Variants in RGS6 observed in about 807,000 individuals in gnomAD.
The protein encoded by RGS6 is regulator of G protein signaling 6, also known as regulator of G-protein signaling 6.
In RGS6, 30 loss-of-function variants were observed where a neutral mutation model predicts 78.5. That is an observed-to-expected ratio of 0.38 (90% CI 0.29 to 0.52). RGS6 has a LOEUF of 0.52. RGS6 is among the 20% of genes least tolerant of loss of function. The probability of loss-of-function intolerance (pLI) is 0.85; values close to 1 mark genes in which losing one functional copy is unlikely to be tolerated. For synonymous variants in RGS6, 206 were observed against 206.0 expected (o/e 1.00, Z 0.00); for missense variants, 495 against 609.7 (o/e 0.81, Z 1.98).
chr14:72,269,462 T>C (rs778793332), intron 2 of RGS6, among the ~76,000 whole-genome samples: 3 of 152,168 alleles, frequency 2.0e-5, no homozygotes, highest in Non-Finnish European at 4.4e-5. Flanking sequence ...TTGCCCATGC[T>C]ACTCCCTCTG....
chr14:71,957,357 A>G (rs1011223535), intron 1 of RGS6, among the ~76,000 whole-genome samples: 5 of 152,202 alleles, frequency 3.3e-5, no homozygotes, highest in African/African-American at 1.2e-4. Flanking sequence ...AGGGAGGGAA[A>G]TCATTTGAAG....
chr14:72,430,812 C>T (rs115969708), intron 3 of RGS6, among the ~76,000 whole-genome samples: 124 of 152,228 alleles, frequency 8.1e-4, no homozygotes, highest in African/African-American at 2.8e-3. Context: ...TGCTGATCAC[C>T]CATGGGCATG....
intron 2 of RGS6, among the ~76,000 whole-genome samples, chr14:72,229,881 G>A (rs2049107055): frequency 6.6e-6 from 1 of 152,192 alleles, no homozygotes; most frequent in Non-Finnish European, 1.5e-5. Flanking sequence ...ATCTCAGAGT[G>A]ACACATGAGG....
intron 1 of RGS6, among the ~76,000 whole-genome samples, chr14:71,946,610 G>T (rs1224084488): frequency 6.6e-6 from 1 of 152,184 alleles, no homozygotes; most frequent in African/African-American, 2.4e-5. Context: ...AGGGAGAGAT[G>T]ACTTCCTGCT....
intron 2 of RGS6, among the ~76,000 whole-genome samples, chr14:72,066,514 T>A (rs1270287171): frequency 1.3e-5 from 2 of 151,340 alleles, no homozygotes; most frequent in Non-Finnish European, 1.5e-5. Context: ...TTTTTTTTTT[T>A]TTTTGGTGCT....
chr14:72,539,925 T>G, intron 16 of RGS6, 116 bp from the exon 17 acceptor site: 1 of 882,096 alleles, frequency 1.1e-6, no homozygotes, highest in South Asian at 1.8e-5. Flanking sequence ...TCGCCCCATT[T>G]TGCTTTGGTT....
At chr14:72,467,379 C>A (rs1404829644) in intron 7 of RGS6, among the ~76,000 whole-genome samples, 1 of 152,158 alleles carries the variant, frequency 6.6e-6, no homozygotes, top group Admixed American at 6.5e-5. Flanking sequence ...TCAGACCCAC[C>A]CACCGCCAAA....
chr14:72,600,637 C>T, the RGS6 span, among the ~76,000 whole-genome samples: 1 of 152,120 alleles, frequency 6.6e-6, no homozygotes, highest in Non-Finnish European at 1.5e-5. Context: ...GAAGCCCAGC[C>T]ATGGTCTAGA....
chr14:72,576,650 C>T, the RGS6 span, among the ~76,000 whole-genome samples: 1 of 152,166 alleles, frequency 6.6e-6, no homozygotes. Flanking sequence ...TTCTTTGAGC[C>T]ATGCTGTGGT....
chr14:72,099,374 T>C (rs1331567256), intron 2 of RGS6, among the ~76,000 whole-genome samples: 3 of 152,234 alleles, frequency 2.0e-5, no homozygotes, highest in East Asian at 3.9e-4. Context: ...TTAGCCAGGA[T>C]GGTCTCGACC....
intron 2 of RGS6, among the ~76,000 whole-genome samples, chr14:72,107,870 C>T (rs962551184): frequency 1.3e-5 from 2 of 152,090 alleles, no homozygotes; most frequent in Admixed American, 6.6e-5. Flanking sequence ...TTAATACTAC[C>T]ACCACCAATT....
chr14:72,297,967 G>T (rs898370375), intron 2 of RGS6, among the ~76,000 whole-genome samples: 1 of 151,662 alleles, frequency 6.6e-6, no homozygotes, highest in African/African-American at 2.4e-5. Context: ...TATCTACCAG[G>T]TTTGCTAATT....
rs1369712127 is a variant in RGS6, at chr14:72,465,602, TTGGGTGGA to T, written c.395-136_395-129del. Among the ~76,000 whole-genome samples the T allele has an allele frequency of 0.014, 1,365 of 99,306 alleles. 36 individuals carry two copies. The highest frequency in any genetic ancestry group is 0.05 in the African/African-American group (1,270 of 25,370). 65.1% of individuals were successfully genotyped at this position (99,306 alleles called of 152,430 possible). On this transcript the variant is annotated intron_variant, in intron 6 of 17. Transcript: ENST00000553525. ...GATGGATGGATGGATGGATGGATGG[TTGGGTGGA>T]TGGGTGGATGGGTGGATGGATGGAT...
chr14:72,250,130 A>G, intron 2 of RGS6, among the ~76,000 whole-genome samples: 1 of 150,534 alleles, frequency 6.6e-6, no homozygotes, highest in Non-Finnish European at 1.5e-5. Context: ...TGGGAGATAT[A>G]CCTAATGCTA....
intron 2 of RGS6, among the ~76,000 whole-genome samples, chr14:72,223,172 G>A (rs847315): frequency 0.93 from 141,128 of 152,260 alleles, 65,581 homozygotes; most frequent in South Asian, 0.96. Context: ...TGATCAGTCT[G>A]TAAGCCCTAA....
At chr14:72,390,183 C>T (rs927696246) in intron 3 of RGS6, among the ~76,000 whole-genome samples, 2 of 151,264 alleles carry the variant, frequency 1.3e-5, no homozygotes, top group Non-Finnish European at 2.9e-5. Context: ...CTGCAACCTC[C>T]GCTTCCCGGG....
chr14:72,050,379 A>G (rs188525624), intron 2 of RGS6, among the ~76,000 whole-genome samples: 1 of 152,292 alleles, frequency 6.6e-6, no homozygotes, highest in East Asian at 1.9e-4. Flanking sequence ...AAGATAAATT[A>G]TATTTGCTGA....
intron 2 of RGS6, among the ~76,000 whole-genome samples, chr14:72,307,318 T>G (rs2067487497): frequency 6.6e-6 from 1 of 152,212 alleles, no homozygotes; most frequent in Non-Finnish European, 1.5e-5. Context: ...TGATATTTGC[T>G]TTATTGTGGT....
chr14:71,911,853 T>C, the RGS6 span, among the ~76,000 whole-genome samples: 3 of 152,340 alleles, frequency 2.0e-5, no homozygotes, highest in South Asian at 2.1e-4. Flanking sequence ...GAATTAATGC[T>C]GAACAGGTCG....
Sources: gnomAD v4.1 joint callset for allele counts (sites outside exome capture counted in the v4.1 genomes callset) on GRCh38, gnomAD v4.1.1 for gene constraint, MANE v1.5 for transcripts, NCBI Gene and HGNC (gene_info 2026-07-23, HGNC 2026-07-21) for gene names.